EPHB1: variants seen among roughly 807,000 people sequenced by gnomAD.
The protein encoded by EPHB1 is ephrin type-B receptor 1.
In EPHB1, 30 loss-of-function variants were observed where a neutral mutation model predicts 94.4. The ratio of observed to expected loss-of-function variants is 0.32; its 90% CI spans 0.24 to 0.43. EPHB1 has a LOEUF of 0.43. Among genes scored for constraint, EPHB1 ranks in the 20% least tolerant of loss-of-function variants. EPHB1 has a pLI of 1.00. For missense variants in EPHB1, 1,055 were observed against 1,308.3 expected, an observed-to-expected ratio of 0.81 and a Z score of 2.99; for synonymous variants, 522 against 489.1, an observed-to-expected ratio of 1.07 and a Z score of -0.89.
intron 11 of EPHB1, among the ~76,000 whole-genome samples, 177 bp downstream of exon 11, chr3:135,193,000 G>T (rs114852320): frequency 0.013 from 1,967 of 152,284 alleles, 39 homozygotes; most frequent in African/African-American, 0.046. Context: ...GGGCTTGTGG[G>T]ATCCTCAGGA....
chr3:134,951,407 A>G lies in EPHB1; in HGVS notation c.160A>G (p.Thr54Ala), dbSNP rs761913036. 3 of 1,586,252 alleles carry G rather than the reference A, an allele frequency of 1.9e-6. No individual in the cohort carries two copies. The highest frequency in any genetic ancestry group is 1.7e-6 in the Non-Finnish European group (2 of 1,164,326). The change falls in exon 3 of 16, where the codon ACC becomes GCC. Residue 54 changes from threonine (T) to alanine (A), a missense_variant. By Grantham distance (58) the Thr-to-Ala change is moderately conservative (BLOSUM62 0). Transcript: ENST00000398015. The surrounding 1 kb of genome is among the most constrained non-coding windows in gnomAD (Gnocchi z 4.5). Reference protein sequence around the residue: ...EVSGYDENLNTIRTYQVCNVF... With the variant: ...EVSGYDENLNAIRTYQVCNVF... The stretch of plus-strand genomic sequence containing the variant: ...CAGTGGCTACGATGAAAACCTGAAC[A>G]CCATCCGCACCTACCAGGTGTGCAA...
At chr3:135,146,061 C>T (rs1940998858) in intron 5 of EPHB1, among the ~76,000 whole-genome samples, 2 of 152,160 alleles carry the variant, frequency 1.3e-5, no homozygotes. Flanking sequence ...AGGTGAGCAC[C>T]TCGGAAGGTA....
At chr3:134,818,037 T>C (rs1332558803) in intron 1 of EPHB1, among the ~76,000 whole-genome samples, 1 of 152,184 alleles carries the variant, frequency 6.6e-6, no homozygotes, top group African/African-American at 2.4e-5. Context: ...GCTCAGCTTG[T>C]GGAGTTCTCC....
chr3:134,891,198 C>A (rs1239024754), intron 1 of EPHB1, among the ~76,000 whole-genome samples: 2 of 152,178 alleles, frequency 1.3e-5, no homozygotes, highest in Non-Finnish European at 2.9e-5. Context: ...TTGCACCTGC[C>A]TCCTAGGCTC....
intron 3 of EPHB1, among the ~76,000 whole-genome samples, chr3:134,966,825 G>A (rs955217928): frequency 1.3e-5 from 2 of 152,232 alleles, no homozygotes; most frequent in African/African-American, 4.8e-5. Flanking sequence ...CTGATGTACG[G>A]TGCTGAAGTG....
intron 1 of EPHB1, among the ~76,000 whole-genome samples, chr3:134,900,878 T>A (rs182000675): frequency 1.8e-4 from 28 of 152,240 alleles, no homozygotes; most frequent in Admixed American, 1.8e-3. Flanking sequence ...AAGGTCTCAA[T>A]GGACCAACAG....
Position 135,029,957 on chromosome 3 carries a change from G to A in EPHB1, c.806-76491G>A, listed in dbSNP as rs917539824. On this transcript the variant is annotated intron_variant, in intron 3 of 15. Coordinates refer to ENST00000398015, the MANE Select transcript of EPHB1 (RefSeq NM_004441.5). ...CTTTTTTCTCTAAACTTCCCTTCTC[G>A]CTTCATTTCATTCATTTCATCTTCC... Among the ~76,000 whole-genome samples, 810 of 150,328 alleles carry A rather than the reference G, an allele frequency of 5.4e-3. 10 individuals are homozygous for A. The highest frequency in any genetic ancestry group is 0.018 in the African/African-American group (751 of 40,792).
chr3:135,053,992 TA>T (rs1937271751), intron 3 of EPHB1, among the ~76,000 whole-genome samples: 1 of 150,444 alleles, frequency 6.6e-6, no homozygotes, highest in Non-Finnish European at 1.5e-5. Context: ...ATCCTGTCTC[TA>T]AATATATATA....
intron 1 of EPHB1, among the ~76,000 whole-genome samples, chr3:134,816,712 A>G (rs186879011): frequency 1.3e-5 from 2 of 151,794 alleles, no homozygotes; most frequent in African/African-American, 4.8e-5. Flanking sequence ...TGGCCCATCT[A>G]TTGCTGGTGT....
chr3:134,998,329 G>A (rs1935060201), intron 3 of EPHB1, among the ~76,000 whole-genome samples: 3 of 152,178 alleles, frequency 2.0e-5, no homozygotes, highest in African/African-American at 2.4e-5. Flanking sequence ...TCTGGGCAAG[G>A]AAGAGAATGT....
At chr3:134,869,099 T>C (rs1387801973) in intron 1 of EPHB1, among the ~76,000 whole-genome samples, 1 of 152,248 alleles carries the variant, frequency 6.6e-6, no homozygotes, top group Non-Finnish European at 1.5e-5. Context: ...TAGATGGTGT[T>C]ACATAGTGTT....
chr3:134,902,503 T>A (rs939165903), intron 1 of EPHB1, among the ~76,000 whole-genome samples: 2 of 152,156 alleles, frequency 1.3e-5, no homozygotes, highest in Non-Finnish European at 2.9e-5. Context: ...TTTTAATATA[T>A]GCAATAAAAG....
intron 3 of EPHB1, among the ~76,000 whole-genome samples, chr3:134,994,221 TGGA>T (rs1034436754): frequency 2.6e-5 from 4 of 152,178 alleles, no homozygotes; most frequent in African/African-American, 7.2e-5. Context: ...GTCTGACACA[TGGA>T]GAATATTTGT....
chr3:135,191,764 G>A (rs944272427), intron 10 of EPHB1, among the ~76,000 whole-genome samples: 2 of 152,172 alleles, frequency 1.3e-5, no homozygotes, highest in Non-Finnish European at 2.9e-5. Flanking sequence ...CCTGTTTGGA[G>A]AAATAACTTG....
chr3:134,965,717 G>C (rs1158601566), intron 3 of EPHB1, among the ~76,000 whole-genome samples: 1 of 152,136 alleles, frequency 6.6e-6, no homozygotes, highest in African/African-American at 2.4e-5. Flanking sequence ...CTAAATTCGA[G>C]TTAACCATGT....
chr3:135,062,773 A>G (rs1237833395), intron 3 of EPHB1, among the ~76,000 whole-genome samples: 1 of 152,154 alleles, frequency 6.6e-6, no homozygotes, highest in Non-Finnish European at 1.5e-5. Flanking sequence ...GCCAATGTCT[A>G]GAAGGGTTTT....
intron 15 of EPHB1, among the ~76,000 whole-genome samples, chr3:135,257,501 T>TG (rs1248649374): frequency 5.9e-5 from 9 of 152,204 alleles, no homozygotes; most frequent in African/African-American, 9.6e-5. Context: ...GTGCCCCTGC[T>TG]GGGGGGTGCC....
intron 3 of EPHB1, among the ~76,000 whole-genome samples, chr3:135,031,580 G>A (rs1284524645): frequency 6.6e-6 from 1 of 152,144 alleles, no homozygotes; most frequent in African/African-American, 2.4e-5. Flanking sequence ...AAATTGCCGG[G>A]GTTATAGGCA....
intron 3 of EPHB1, among the ~76,000 whole-genome samples, chr3:135,065,899 G>A (rs936521255): frequency 6.6e-6 from 1 of 152,132 alleles, no homozygotes; most frequent in Non-Finnish European, 1.5e-5. Context: ...CTTGGTAGTG[G>A]CAAATTCTCT....
Sources: gnomAD v4.1 joint callset for allele counts (sites outside exome capture counted in the v4.1 genomes callset) on GRCh38, gnomAD v4.1.1 for gene constraint, Gnocchi (gnomAD v3.1) non-coding constraint, MANE v1.5 for transcripts, NCBI Gene and HGNC (gene_info 2026-07-23, HGNC 2026-07-21) for gene names.